The following MAD1L1 variants were observed in gnomAD, a reference collection of about 807,000 sequenced individuals.
The protein encoded by MAD1L1 is mitotic spindle assembly checkpoint protein MAD1.
Under a neutral mutation model 96.9 loss-of-function variants are expected in MAD1L1, and 95 were observed. The observed-to-expected ratio is 0.98, with a 90% CI of 0.83 to 1.16. The LOEUF (loss-of-function observed/expected upper bound fraction) is 1.16, where lower values mean the gene tolerates loss of function less well. Among genes scored for constraint, MAD1L1 ranks in the 50% most tolerant of loss-of-function variants. The pLI is 0.00. For missense variants in MAD1L1, 1,007 were observed against 954.4 expected (o/e 1.06, Z -0.73); for synonymous variants, 473 against 396.6 (o/e 1.19, Z -2.29).
chr7:1,974,344 G>A (rs1430794972), intron 15 of MAD1L1, among the ~76,000 whole-genome samples: 1 of 152,222 alleles, frequency 6.6e-6, no homozygotes, highest in South Asian at 2.1e-4. Context: ...CATCCAGAAA[G>A]AAAAGAGTAA....
In MAD1L1 at chr7:1,887,717, G is replaced by C. The variant is rs569867756; in HGVS notation, c.1998+10483C>G. On this transcript the variant is annotated intron_variant, in intron 18 of 18. Transcript: ENST00000265854. ...GCTGTGCATGCATAGGCATGTGTGT[G>C]CATACATGCATGTATGTGGCTTCCT... 7.6e-3 allele frequency among the ~76,000 whole-genome samples: 1,141 copies of C among 149,938 alleles called. 40 individuals carry two copies. The highest frequency in any genetic ancestry group is 2.0e-3 in the Non-Finnish European group (134 of 67,720).
intron 11 of MAD1L1, among the ~76,000 whole-genome samples, chr7:2,085,757 T>C (rs978147592): frequency 6.6e-6 from 1 of 152,234 alleles, no homozygotes; most frequent in Admixed American, 6.5e-5. Flanking sequence ...TCTTGGCTAC[T>C]ATGAGCAATG....
chr7:2,063,868 T>A (rs1286542071), intron 12 of MAD1L1, among the ~76,000 whole-genome samples: 1 of 152,204 alleles, frequency 6.6e-6, no homozygotes, highest in Admixed American at 6.5e-5. Flanking sequence ...TCCCTCGCTC[T>A]GCCCTCAGCA....
intron 11 of MAD1L1, among the ~76,000 whole-genome samples, chr7:2,079,415 G>A (rs1785528284): frequency 6.6e-6 from 1 of 152,196 alleles, no homozygotes. Context: ...AAGACCAAAG[G>A]CTGAAATAAT....
intron 18 of MAD1L1, chr7:1,847,611 C>G: frequency 2.1e-6 from 1 of 471,048 alleles, no homozygotes; most frequent in South Asian, 1.5e-5. Context: ...ATGGAGATCT[C>G]AGCCCTGGGC....
intron 10 of MAD1L1, among the ~76,000 whole-genome samples, chr7:2,155,479 C>G (rs1005825795): frequency 3.3e-5 from 5 of 152,206 alleles, no homozygotes; most frequent in Admixed American, 3.3e-4. Flanking sequence ...CACAGCCCCT[C>G]TGCTCCCAGC....
intron 4 of MAD1L1, 61 bp downstream of exon 4, chr7:2,225,349 G>A (rs564192785): frequency 6.9e-6 from 11 of 1,586,722 alleles, no homozygotes; most frequent in East Asian, 4.5e-5. Context: ...GGCAGGTACC[G>A]TGCACAGCCC....
chr7:1,957,584 G>C, intron 16 of MAD1L1, 45 bp downstream of exon 16: 1 of 1,576,174 alleles, frequency 6.3e-7, no homozygotes, highest in Admixed American at 1.8e-5. Context: ...CCAAAGAAAT[G>C]AGAGGCCCAG....
At chr7:2,105,994 T>C (rs111611027) in intron 11 of MAD1L1, among the ~76,000 whole-genome samples, 40,925 of 90,558 alleles carry the variant, frequency 0.45, 7,601 homozygotes, top group East Asian at 0.65. Flanking sequence ...CTGCCCCACA[T>C]ATGGCCCCGC....
At chr7:1,824,520 C>T (rs1413046520) in intron 18 of MAD1L1, among the ~76,000 whole-genome samples, 2 of 152,208 alleles carry the variant, frequency 1.3e-5, no homozygotes, top group Non-Finnish European at 2.9e-5. Flanking sequence ...CTGGCGCCAT[C>T]GGATGGCCTC....
chr7:2,230,149 G>A lies in MAD1L1; in HGVS notation c.-10-6C>T, dbSNP rs759975393. 1.8e-5 allele frequency: 28 copies of A among 1,576,784 alleles called. No individual in the cohort carries two copies. The highest frequency in any genetic ancestry group is 4.6e-5 in the East Asian group (2 of 43,150). ...GGTCTTCCATGGTTGCTTTCCTTCCGGGGACAGACAAAGGACTGGTCAGGG... is the reference window on the plus strand; with the variant it reads ...GGTCTTCCATGGTTGCTTTCCTTCCAGGGACAGACAAAGGACTGGTCAGGG... On this transcript the variant is annotated splice_polypyrimidine_tract_variant and splice_region_variant and intron_variant, in intron 2 of 18. Transcript: ENST00000265854.
At chr7:2,079,147 G>T (rs927852365) in intron 11 of MAD1L1, among the ~76,000 whole-genome samples, 2 of 152,234 alleles carry the variant, frequency 1.3e-5, no homozygotes, top group Admixed American at 1.3e-4. Flanking sequence ...TTGGGGCCGG[G>T]CAGCCGCACT....
chr7:2,013,096 C>T (rs1782374654), intron 13 of MAD1L1, among the ~76,000 whole-genome samples: 3 of 152,248 alleles, frequency 2.0e-5, no homozygotes, highest in Admixed American at 2.0e-4. Flanking sequence ...AGCAGCTCGG[C>T]TCCAGGGGCC....
intron 12 of MAD1L1, among the ~76,000 whole-genome samples, chr7:2,067,057 G>A (rs973351057): frequency 5.3e-5 from 8 of 152,204 alleles, no homozygotes; most frequent in Admixed American, 2.0e-4. Flanking sequence ...AGTGCTGCCC[G>A]CCTGGCCGGT....
Position 2,215,985 on chromosome 7 carries a change from G to T in MAD1L1, c.824C>A (p.Thr275Asn), listed in dbSNP as rs1306581325. 1 of 1,614,122 alleles carries T rather than the reference G, an allele frequency of 6.2e-7. No individual in the cohort carries two copies. The highest frequency in any genetic ancestry group is 8.5e-7 in the Non-Finnish European group (1 of 1,180,038). The change falls in exon 9 of 19, where the codon ACC (threonine) becomes AAC (asparagine). Residue 275 changes from threonine to asparagine, a missense_variant. Transcript: ENST00000265854. ...CAGCTCTTCCTGGAGCAGCCCGTTG[G>T]TCTCTCTCATCTCCCTGGCAGTGCC... ...ESAHLREMRE[T>N]NGLLQEELEG...
intron 18 of MAD1L1, among the ~76,000 whole-genome samples, chr7:1,864,972 G>A (rs2128650351): frequency 6.6e-6 from 1 of 152,276 alleles, no homozygotes; most frequent in Admixed American, 6.5e-5. Context: ...AGTCTCAGGA[G>A]CTCTAGTATA....
chr7:2,072,421 T>G (rs533857071), intron 11 of MAD1L1, among the ~76,000 whole-genome samples: 7 of 152,288 alleles, frequency 4.6e-5, no homozygotes, highest in Non-Finnish European at 8.8e-5. Context: ...GCGGCCCCCC[T>G]GCCCCCTCCA....
chr7:1,977,292 G>A (rs912644274), intron 15 of MAD1L1, among the ~76,000 whole-genome samples: 5 of 152,252 alleles, frequency 3.3e-5, no homozygotes, highest in East Asian at 1.9e-4. Flanking sequence ...GTGAGAATTC[G>A]ACTGCAGCGC....
chr7:1,990,626 G>T (rs571302179), intron 14 of MAD1L1, among the ~76,000 whole-genome samples: 1 of 152,390 alleles, frequency 6.6e-6, no homozygotes, highest in South Asian at 2.1e-4. Context: ...CCCCTGGGAT[G>T]AGGCCGCTGC....
Sources: gnomAD v4.1 joint callset for allele counts (sites outside exome capture counted in the v4.1 genomes callset) on GRCh38, gnomAD v4.1.1 for gene constraint, MANE v1.5 for transcripts, NCBI Gene and HGNC (gene_info 2026-07-23, HGNC 2026-07-21) for gene names.